SPIN1: variants seen among roughly 807,000 people sequenced by gnomAD.
SPIN1 encodes spindlin-1.
SPIN1 carries 3 observed loss-of-function variants against 26.0 expected under a neutral mutation model. That is an observed-to-expected ratio of 0.12 (90% CI 0.05 to 0.30). SPIN1 has a LOEUF of 0.30. Among genes scored for constraint, SPIN1 ranks in the 10% least tolerant of loss-of-function variants. SPIN1 has a pLI of 1.00. For missense variants in SPIN1, 126 were observed against 333.4 expected, an observed-to-expected ratio of 0.38 and a Z score of 4.84; for synonymous variants, 101 against 116.5, an observed-to-expected ratio of 0.87 and a Z score of 0.86.
intron 2 of SPIN1, among the ~76,000 whole-genome samples, chr9:88,434,566 T>C (rs1224255360): frequency 6.6e-6 from 1 of 152,120 alleles, no homozygotes; most frequent in African/African-American, 2.4e-5. Flanking sequence ...ATCCAGTTAA[T>C]GTGTACCCAT....
At chr9:88,430,099 A>G (rs906416011) in intron 2 of SPIN1, among the ~76,000 whole-genome samples, 4 of 152,162 alleles carry the variant, frequency 2.6e-5, no homozygotes, top group African/African-American at 4.8e-5. Context: ...ATCAGTAACC[A>G]ATGTGTCTAT....
At chr9:88,439,307 C>G (rs187590883) in intron 2 of SPIN1, among the ~76,000 whole-genome samples, 3 of 152,246 alleles carry the variant, frequency 2.0e-5, no homozygotes, top group African/African-American at 7.2e-5. Context: ...AATTCAGTGT[C>G]AGGAATGATG....
chr9:88,453,644 A>G (rs1828407656), intron 3 of SPIN1, among the ~76,000 whole-genome samples: 1 of 151,868 alleles, frequency 6.6e-6, no homozygotes, highest in Non-Finnish European at 1.5e-5. Context: ...CTTCCGCCTC[A>G]GCCTTCCGAG....
intron 1 of SPIN1, among the ~76,000 whole-genome samples, chr9:88,404,933 A>C (rs574906367): frequency 8.0e-4 from 116 of 145,892 alleles, no homozygotes; most frequent in Non-Finnish European, 1.2e-3. Flanking sequence ...AAAAAAACAA[A>C]AAAAAAAAAA....
chr9:88,476,596 G>C lies in SPIN1; in HGVS notation c.*1319G>C, dbSNP rs1828893047. ...AAGCGTTACCATAGAAGAGCCAGCC[G>C]TTTGTGTTCGCTTGGTAGGTGTAAG... On this transcript the variant is annotated 3_prime_UTR_variant, in exon 6 of 6. Coordinates refer to ENST00000375859, the MANE Select transcript of SPIN1 (RefSeq NM_006717.3). The C allele has an allele frequency of 6.6e-6, 1 of 152,332 alleles. No individual in the cohort carries two copies. The highest frequency in any genetic ancestry group is 1.9e-4 in the East Asian group (1 of 5,184). The allele number at this position is 152,332 out of a possible 1,614,324, so 9.4% of individuals were successfully genotyped here. A position where few individuals can be genotyped will look rare whatever the true frequency, so the allele number is the denominator to read the frequency against.
intron 1 of SPIN1, among the ~76,000 whole-genome samples, chr9:88,421,964 T>C (rs1214331368): frequency 1.3e-5 from 2 of 152,158 alleles, no homozygotes; most frequent in East Asian, 1.9e-4. Flanking sequence ...TTGCGTCATA[T>C]CACATTAAGA....
chr9:88,461,512 T>C (rs1437120062), intron 3 of SPIN1, among the ~76,000 whole-genome samples: 1 of 152,216 alleles, frequency 6.6e-6, no homozygotes, highest in Non-Finnish European at 1.5e-5. Context: ...AAATATATAA[T>C]TTTAGTTTTA....
intron 5 of SPIN1, among the ~76,000 whole-genome samples, chr9:88,472,682 A>G (rs1828812929): frequency 6.6e-6 from 1 of 152,006 alleles, no homozygotes; most frequent in South Asian, 2.1e-4. Flanking sequence ...TAGTAGAGAC[A>G]GAGTTTCACT....
intron 5 of SPIN1, among the ~76,000 whole-genome samples, chr9:88,470,452 G>C (rs539586721): frequency 9.2e-5 from 14 of 152,234 alleles, no homozygotes; most frequent in African/African-American, 3.1e-4. Flanking sequence ...TGAGACTTCT[G>C]ATTTCTCCAC....
intron 1 of SPIN1, among the ~76,000 whole-genome samples, chr9:88,411,714 T>A (rs2117961678): frequency 6.6e-6 from 1 of 152,138 alleles, no homozygotes; most frequent in South Asian, 2.1e-4. Flanking sequence ...GAGATCACCC[T>A]GTGTTGCTCA....
intron 2 of SPIN1, among the ~76,000 whole-genome samples, chr9:88,429,545 A>G (rs1827824559): frequency 2.0e-5 from 3 of 152,200 alleles, no homozygotes; most frequent in African/African-American, 7.2e-5. Flanking sequence ...ATTACAAAGG[A>G]TACAGATGAA....
At chr9:88,408,977 G>T (rs1564024703) in intron 1 of SPIN1, among the ~76,000 whole-genome samples, 1 of 124,658 alleles carries the variant, frequency 8.0e-6, no homozygotes, top group African/African-American at 3.8e-5. Context: ...GTGTTTGTGT[G>T]TGTTTGTGTG....
intron 3 of SPIN1, 108 bp from the exon 4 acceptor site, chr9:88,462,388 A>G (rs1828592418): frequency 3.4e-6 from 5 of 1,450,410 alleles, no homozygotes; most frequent in Non-Finnish European, 4.6e-6. Context: ...GAGTTTGTAC[A>G]TATTTTGGGA....
chr9:88,448,733 C>A (rs971823040), intron 2 of SPIN1, among the ~76,000 whole-genome samples: 12 of 152,034 alleles, frequency 7.9e-5, no homozygotes, highest in African/African-American at 2.9e-4. Flanking sequence ...AGAACTGTTG[C>A]CTCTGCTGCT....
chr9:88,428,883 T>A (rs950301546), intron 2 of SPIN1, among the ~76,000 whole-genome samples: 13 of 152,194 alleles, frequency 8.5e-5, no homozygotes, highest in Admixed American at 5.9e-4. Flanking sequence ...ATTCTCTCTT[T>A]CTTTTTTAAA....
At chr9:88,446,892 C>CT (rs1195493123) in intron 2 of SPIN1, among the ~76,000 whole-genome samples, 1 of 152,246 alleles carries the variant, frequency 6.6e-6, no homozygotes, top group African/African-American at 2.4e-5. Flanking sequence ...GAAGAAGTGC[C>CT]TTGGTGTGGT....
Position 88,475,479 on chromosome 9 carries a change from T to A in SPIN1, c.*202T>A. On this transcript the variant is annotated 3_prime_UTR_variant, in exon 6 of 6. Coordinates refer to ENST00000375859, the MANE Select transcript of SPIN1 (RefSeq NM_006717.3). ...TTGTGTAAGGAGAACCCCTTTCTTT[T>A]AAAAGAAGTCTGTCTATTTCGAGGG... 2.3e-6 allele frequency: 1 copy of A among 442,862 alleles called. No individual in the cohort carries two copies. The highest frequency in any genetic ancestry group is 3.9e-6 in the Non-Finnish European group (1 of 256,806). The allele number at this position is 442,862 out of a possible 1,614,324, so 27.4% of individuals were successfully genotyped here. A position where few individuals can be genotyped will look rare whatever the true frequency, so the allele number is the denominator to read the frequency against.
At chr9:88,401,995 A>G (rs1423441591) in intron 1 of SPIN1, among the ~76,000 whole-genome samples, 1 of 152,034 alleles carries the variant, frequency 6.6e-6, no homozygotes, top group Non-Finnish European at 1.5e-5. Context: ...TGAGTATTTT[A>G]TCTTTTTGTT....
At chr9:88,453,030 G>A (rs1299862249) in intron 3 of SPIN1, among the ~76,000 whole-genome samples, 1 of 152,174 alleles carries the variant, frequency 6.6e-6, no homozygotes, top group African/African-American at 2.4e-5. Flanking sequence ...ACCAAGATTA[G>A]ATATTTAAAT....
Sources: gnomAD v4.1 joint callset for allele counts (sites outside exome capture counted in the v4.1 genomes callset) on GRCh38, gnomAD v4.1.1 for gene constraint, MANE v1.5 for transcripts, NCBI Gene and HGNC (gene_info 2026-07-23, HGNC 2026-07-21) for gene names.